The following ERBB4 variants were observed in gnomAD, a reference collection of about 807,000 sequenced individuals.
ERBB4 encodes the protein erb-b2 receptor tyrosine kinase 4, also known as receptor tyrosine-protein kinase erbB-4.
Under a neutral mutation model 158.0 loss-of-function variants are expected in ERBB4, and 42 were observed. The observed-to-expected ratio is 0.27, with a 90% CI of 0.21 to 0.34. The LOEUF (loss-of-function observed/expected upper bound fraction) is 0.34. Ranked by LOEUF, ERBB4 falls within the 10% of genes least tolerant of loss-of-function variation. The pLI, the probability that ERBB4 is intolerant of heterozygous loss-of-function variation, is 1.00. For missense variants in ERBB4, 1,333 were observed against 1,624.1 expected, an observed-to-expected ratio of 0.82 and a Z score of 3.08; for synonymous variants, 583 against 558.7, an observed-to-expected ratio of 1.04 and a Z score of -0.61.
chr2:211,740,377 T>A lies in ERBB4; in HGVS notation c.622+10262A>T, dbSNP rs62182998. Reference sequence around the variant, plus strand: ...CCATGGTAATGGAGAGATGCAGCCATGATAATATTATAAATTGTTGAGTAA... The same window carrying A: ...CCATGGTAATGGAGAGATGCAGCCAAGATAATATTATAAATTGTTGAGTAA... On this transcript the variant is annotated intron_variant, in intron 5 of 27. Coordinates refer to ENST00000342788, the MANE Select transcript of ERBB4 (RefSeq NM_005235.3). 7.7e-3 allele frequency among the ~76,000 whole-genome samples: 1,177 copies of A among 152,236 alleles called. 6 individuals carry two copies. Among genetic ancestry groups the A allele is most frequent in the Middle Eastern group, 0.017 (5 of 294 alleles).
intron 1 of ERBB4, among the ~76,000 whole-genome samples, chr2:212,172,299 T>A (rs2081541578): frequency 4.0e-5 from 1 of 24,874 alleles, no homozygotes; most frequent in African/African-American, 2.5e-4. Flanking sequence ...AAAGGAATGT[T>A]TTTTTTACTG....
chr2:211,762,962 C>T (rs2075451475), intron 4 of ERBB4, among the ~76,000 whole-genome samples: 2 of 152,042 alleles, frequency 1.3e-5, no homozygotes, highest in Admixed American at 1.3e-4. Context: ...ATTTTTCATT[C>T]CATTTAGCTC....
chr2:212,372,462 A>T (rs895295900), intron 1 of ERBB4, among the ~76,000 whole-genome samples: 2 of 152,162 alleles, frequency 1.3e-5, no homozygotes, highest in African/African-American at 4.8e-5. Flanking sequence ...TCTTAAAAAG[A>T]TGCCTGGCCA....
chr2:211,653,486 C>T (rs1380034215), intron 16 of ERBB4, among the ~76,000 whole-genome samples: 9 of 148,470 alleles, frequency 6.1e-5, no homozygotes, highest in Admixed American at 1.3e-4. Flanking sequence ...CGCCCCCCCC[C>T]ACGCCCGCCC....
At chr2:212,224,136 G>C (rs919860790) in intron 1 of ERBB4, among the ~76,000 whole-genome samples, 21 of 151,692 alleles carry the variant, frequency 1.4e-4, no homozygotes, top group African/African-American at 4.6e-4. Flanking sequence ...ATGCATTTTT[G>C]CTATGATTTT....
At chr2:211,617,830 G>A (rs1025611049) in intron 19 of ERBB4, among the ~76,000 whole-genome samples, 4 of 152,006 alleles carry the variant, frequency 2.6e-5, no homozygotes, top group African/African-American at 9.7e-5. Context: ...TTTTTCATAT[G>A]AAGGTCATTT....
intron 3 of ERBB4, among the ~76,000 whole-genome samples, chr2:211,910,131 G>A (rs1438105230): frequency 6.6e-6 from 1 of 151,292 alleles, no homozygotes; most frequent in South Asian, 2.1e-4. Context: ...TGTTGCCCAG[G>A]TTGGTCTTGA....
At chr2:212,063,771 T>A (rs2077854136) in intron 2 of ERBB4, among the ~76,000 whole-genome samples, 1 of 152,080 alleles carries the variant, frequency 6.6e-6, no homozygotes, top group South Asian at 2.1e-4. Context: ...ATCGTATGCG[T>A]TTCTCTCATA....
chr2:211,695,547 A>T (rs2072984509), intron 12 of ERBB4, among the ~76,000 whole-genome samples: 1 of 152,202 alleles, frequency 6.6e-6, no homozygotes, highest in Admixed American at 6.5e-5. Context: ...AAAGAAAAAT[A>T]AATATATTTC....
Position 212,087,427 on chromosome 2 carries a change from T to C in ERBB4, c.234+37325A>G, listed in dbSNP as rs552261080. ...CCACCAATTTCTAAACTACATTCTA[T>C]AGCTATGATTCTGTCATCAGTCTTT... On this transcript the variant is annotated intron_variant, in intron 2 of 27. Transcript: ENST00000342788. 2.0e-5 allele frequency among the ~76,000 whole-genome samples: 3 copies of C among 152,220 alleles called. No homozygotes were observed. In the East Asian group the frequency reaches 5.8e-4, roughly 29 times the overall value.
intron 3 of ERBB4, among the ~76,000 whole-genome samples, chr2:211,843,134 G>A (rs1427339277): frequency 6.6e-6 from 1 of 152,100 alleles, no homozygotes; most frequent in Non-Finnish European, 1.5e-5. Context: ...TAAAGAACAT[G>A]GAGTAGATAA....
At chr2:211,801,533 C>A (rs2105890751) in intron 3 of ERBB4, among the ~76,000 whole-genome samples, 1 of 152,044 alleles carries the variant, frequency 6.6e-6, no homozygotes, top group African/African-American at 2.4e-5. Flanking sequence ...ACATTAATTT[C>A]ATAAATGTGC....
intron 1 of ERBB4, among the ~76,000 whole-genome samples, chr2:212,341,442 T>C (rs1026685014): frequency 3.9e-5 from 6 of 152,050 alleles, no homozygotes; most frequent in African/African-American, 1.4e-4. Flanking sequence ...TTAGCTTCCT[T>C]TTATTTTTCT....
chr2:211,924,356 C>T (rs1028176025), intron 3 of ERBB4, among the ~76,000 whole-genome samples: 12 of 152,090 alleles, frequency 7.9e-5, no homozygotes, highest in African/African-American at 2.7e-4. Context: ...ATTAATACTA[C>T]CTATTGGGTA....
At chr2:212,060,373 T>C (rs1256180443) in intron 2 of ERBB4, among the ~76,000 whole-genome samples, 1 of 151,648 alleles carries the variant, frequency 6.6e-6, no homozygotes, top group Admixed American at 6.6e-5. Flanking sequence ...GACTGTAAAC[T>C]AGTTCAACCA....
At chr2:212,060,000 C>A (rs939870930) in intron 2 of ERBB4, among the ~76,000 whole-genome samples, 3 of 152,134 alleles carry the variant, frequency 2.0e-5, no homozygotes, top group African/African-American at 7.2e-5. Flanking sequence ...TCAGAGTGAA[C>A]AGGCAAACTA....
At chr2:212,501,572 T>C (rs1690890810) in intron 1 of ERBB4, among the ~76,000 whole-genome samples, 1 of 152,230 alleles carries the variant, frequency 6.6e-6, no homozygotes, top group Non-Finnish European at 1.5e-5. Context: ...CAGGATTTTT[T>C]ATTTAAAACA....
chr2:212,039,791 T>C (rs543582310), intron 2 of ERBB4, among the ~76,000 whole-genome samples: 1 of 152,040 alleles, frequency 6.6e-6, no homozygotes, highest in Non-Finnish European at 1.5e-5. Flanking sequence ...CTCCAAAGCC[T>C]GTGCTTCTTC....
intron 20 of ERBB4, among the ~76,000 whole-genome samples, chr2:211,432,713 C>A (rs1055802054): frequency 3.9e-5 from 6 of 151,964 alleles, no homozygotes; most frequent in African/African-American, 1.2e-4. Context: ...ATTCATTATT[C>A]TCTTTCTTAT....
Sources: allele counts gnomAD v4.1 joint callset (sites outside exome capture counted in the v4.1 genomes callset), GRCh38; gene constraint gnomAD v4.1.1; transcripts MANE v1.5; gene names NCBI Gene and HGNC (gene_info 2026-07-23, HGNC 2026-07-21).